Variants in PSTPIP2 observed in about 807,000 individuals in gnomAD.
The protein encoded by PSTPIP2 is proline-serine-threonine phosphatase-interacting protein 2.
In PSTPIP2, 33 loss-of-function variants were observed where a neutral mutation model predicts 63.3. The ratio of observed to expected loss-of-function variants is 0.52; its 90% CI spans 0.40 to 0.70. The LOEUF (loss-of-function observed/expected upper bound fraction) is 0.70. PSTPIP2 is among the 30% of genes least tolerant of loss of function. PSTPIP2 has a pLI of 0.00. For missense variants in PSTPIP2, 312 were observed against 400.7 expected, an observed-to-expected ratio of 0.78 and a Z score of 1.89; for synonymous variants, 125 against 132.7, an observed-to-expected ratio of 0.94 and a Z score of 0.40.
In PSTPIP2 at chr18:46,011,229, G is replaced by A; in HGVS notation, c.306C>T (p.Ala102=). 1 of 1,613,690 alleles carries A rather than the reference G, an allele frequency of 6.2e-7. No individual in the cohort carries two copies. The highest frequency in any genetic ancestry group is 8.5e-7 in the Non-Finnish European group (1 of 1,179,928). The change falls in exon 5 of 15, where the codon GCC becomes GCT. Residue 102 remains alanine (A), a synonymous_variant. Transcript: ENST00000409746. ...TTTCCCTGAATTCTTCCATCTTCCTGGCCTCTTCTCTTAAACTCTGTGCAA... is the reference window on the plus strand; with the variant it reads ...TTTCCCTGAATTCTTCCATCTTCCTAGCCTCTTCTCTTAAACTCTGTGCAA... The part of the protein sequence containing the change: ...IQLAQSLREE[A]RKMEEFREKQ...
At chr18:46,063,605 C>G (rs1909066244) in intron 1 of PSTPIP2, among the ~76,000 whole-genome samples, 1 of 145,078 alleles carries the variant, frequency 6.9e-6, no homozygotes, top group East Asian at 2.0e-4. Flanking sequence ...GATGTTAGAA[C>G]ATGTGAATTA....
At chr18:46,020,130 C>T (rs1408880575) in intron 3 of PSTPIP2, among the ~76,000 whole-genome samples, 4 of 152,168 alleles carry the variant, frequency 2.6e-5, no homozygotes. Flanking sequence ...TGCCATTCCT[C>T]GTGTTCAGGA....
rs778866500 is a variant in PSTPIP2 at position 45,990,729 on chromosome 18, G to A, written c.948C>T (p.Ser316=). 1.2e-6 allele frequency: 2 copies of A among 1,606,158 alleles called. No homozygotes were observed. Among genetic ancestry groups the A allele is most frequent in the East Asian group, 4.5e-5 (2 of 44,800 alleles). Residue 316 remains serine, a synonymous_variant, in exon 13 of 15, where the codon AGC becomes AGT. Coordinates refer to ENST00000409746, the MANE Select transcript of PSTPIP2 (RefSeq NM_024430.4). ...ARRGPLPIPK[S]SPDDPNYSLV... ...CCTTTTTTAGTGGCATACCTGGTGA[G>A]CTTTTAGGAATTGGGAGGGGTCCTC...
chr18:46,050,852 G>A (rs1908558658), intron 1 of PSTPIP2, among the ~76,000 whole-genome samples: 1 of 151,618 alleles, frequency 6.6e-6, no homozygotes, highest in Admixed American at 6.6e-5. Context: ...CTCTATCTCT[G>A]AACTGTGTGC....
intron 3 of PSTPIP2, among the ~76,000 whole-genome samples, chr18:46,021,442 A>AT (rs67578476): frequency 0.68 from 102,100 of 150,026 alleles, 37,965 homozygotes; most frequent in Middle Eastern, 0.84. Context: ...TATATATATA[A>AT]AAAACCAAAT....
At chr18:45,997,717 C>A in intron 9 of PSTPIP2, 32 bp downstream of exon 9, 4 of 1,158,090 alleles carry the variant, frequency 3.5e-6, no homozygotes, top group South Asian at 1.2e-5. Flanking sequence ...ACCCACCCAC[C>A]CCAGTCCTGA....
intron 1 of PSTPIP2, among the ~76,000 whole-genome samples, chr18:46,052,135 A>T (rs1024762157): frequency 6.6e-6 from 1 of 152,260 alleles, no homozygotes; most frequent in Non-Finnish European, 1.5e-5. Context: ...CTAGAAAGCA[A>T]GCCAGGTCAA....
chr18:46,042,834 T>C (rs4890617), intron 1 of PSTPIP2, among the ~76,000 whole-genome samples: 22,310 of 152,064 alleles, frequency 0.15, 2,158 homozygotes, highest in East Asian at 0.42. Context: ...ACTTACCACC[T>C]GTGTTCTCTG....
intron 2 of PSTPIP2, among the ~76,000 whole-genome samples, chr18:46,032,323 G>A (rs1390045635): frequency 6.6e-6 from 1 of 152,178 alleles, no homozygotes; most frequent in Non-Finnish European, 1.5e-5. Context: ...ACAGGAAACA[G>A]AAGAGGCAAT....
chr18:46,064,457 A>ATTTTTTT lies in PSTPIP2; in HGVS notation c.33+7692_33+7698dup, dbSNP rs34169328. ...AGGCACCCACCACAACACCTGGCTA[A>ATTTTTTT]TTTTTTTTTTTTTTTTTTTTTAAGT... On this transcript the variant is annotated intron_variant, in intron 1 of 14. Transcript: ENST00000409746. 6.5e-3 allele frequency among the ~76,000 whole-genome samples: 688 copies of ATTTTTTT among 105,982 alleles called. 31 individuals carry two copies. In the East Asian group the frequency reaches 0.088, roughly 14 times the overall value. 69.5% of individuals were successfully genotyped at this position (105,982 alleles called of 152,430 possible).
At chr18:46,028,245 G>A (rs1364448683) in intron 2 of PSTPIP2, 4 of 403,940 alleles carry the variant, frequency 9.9e-6, no homozygotes, top group South Asian at 2.1e-5. Context: ...CGCGGGAACT[G>A]AGGAGCCGAA....
chr18:45,991,365 C>T (rs1353773052), intron 12 of PSTPIP2, among the ~76,000 whole-genome samples: 1 of 152,168 alleles, frequency 6.6e-6, no homozygotes, highest in Non-Finnish European at 1.5e-5. Context: ...TGCTGGCCAC[C>T]TCCCGTCTCT....
At chr18:46,002,046 C>A (rs975975012) in intron 6 of PSTPIP2, among the ~76,000 whole-genome samples, 1 of 152,068 alleles carries the variant, frequency 6.6e-6, no homozygotes, top group Non-Finnish European at 1.5e-5. Context: ...TCAGCATTTG[C>A]GATATGTTGT....
intron 2 of PSTPIP2, among the ~76,000 whole-genome samples, chr18:46,038,299 AT>A (rs888576905): frequency 4.7e-4 from 71 of 152,060 alleles, no homozygotes; most frequent in Middle Eastern, 6.8e-3. Flanking sequence ...TGTAAAATAC[AT>A]TTTTTTTGAG....
At chr18:46,050,589 G>A (rs1472796310) in intron 1 of PSTPIP2, among the ~76,000 whole-genome samples, 2 of 151,376 alleles carry the variant, frequency 1.3e-5, no homozygotes, top group Admixed American at 1.3e-4. Flanking sequence ...TAATAACAAA[G>A]AATTGGAAGC....
At chr18:46,023,280 G>T (rs78847061) in intron 3 of PSTPIP2, among the ~76,000 whole-genome samples, 5,970 of 152,020 alleles carry the variant, frequency 0.039, 175 homozygotes, top group Non-Finnish European at 0.054. Context: ...AAGTTTTTTC[G>T]CCGGGCATGG....
intron 1 of PSTPIP2, among the ~76,000 whole-genome samples, chr18:46,053,882 A>G (rs1427730791): frequency 2.0e-5 from 3 of 152,236 alleles, no homozygotes; most frequent in Non-Finnish European, 4.4e-5. Flanking sequence ...TACACACTGT[A>G]TGACTCCAAC....
chr18:45,985,325 C>A lies in PSTPIP2; in HGVS notation c.*134G>T. 7.7e-7 allele frequency: 1 copy of A among 1,296,954 alleles called. No individual in the cohort carries two copies. Among genetic ancestry groups the A allele is most frequent in the East Asian group, 2.4e-5 (1 of 41,552 alleles). 80.3% of individuals were successfully genotyped at this position (1,296,954 alleles called of 1,614,324 possible). A position where few individuals can be genotyped will look rare whatever the true frequency, so the allele number is the denominator to read the frequency against. Reference sequence around the variant, plus strand: ...TAAATGTCTACCATAAATTTTAAATCTCTAAAAAATTATAGCAAGGGTTCA... The same window carrying A: ...TAAATGTCTACCATAAATTTTAAATATCTAAAAAATTATAGCAAGGGTTCA... On this transcript the variant is annotated 3_prime_UTR_variant, in exon 15 of 15. Transcript: ENST00000409746.
At chr18:46,062,192 C>A (rs190021494) in intron 1 of PSTPIP2, among the ~76,000 whole-genome samples, 64 of 152,206 alleles carry the variant, frequency 4.2e-4, no homozygotes, top group African/African-American at 1.5e-3. Context: ...TCAAGTCTTC[C>A]TTCCAGCCTT....
Sources: allele counts gnomAD v4.1 joint callset (sites outside exome capture counted in the v4.1 genomes callset), GRCh38; gene constraint gnomAD v4.1.1; transcripts MANE v1.5; gene names NCBI Gene and HGNC (gene_info 2026-07-23, HGNC 2026-07-21).